Variants in USP32 observed in about 807,000 individuals in gnomAD.
USP32 encodes ubiquitin carboxyl-terminal hydrolase 32.
A neutral mutation model predicts 204.8 loss-of-function variants in USP32; 59 were observed. The ratio of observed to expected loss-of-function variants is 0.29; its 90% CI spans 0.23 to 0.36. The LOEUF (loss-of-function observed/expected upper bound fraction) is 0.36, where lower values mean the gene tolerates loss of function less well. Among genes scored for constraint, USP32 ranks in the 10% least tolerant of loss-of-function variants. USP32 has a pLI of 1.00. For missense variants in USP32, 1,160 were observed against 1,946.4 expected, an observed-to-expected ratio of 0.60 and a Z score of 7.60; for synonymous variants, 517 against 678.4, an observed-to-expected ratio of 0.76 and a Z score of 3.70.
At chr17:60,288,821 A>G (rs2087190536) in intron 4 of USP32, 139 bp from the exon 5 acceptor site, 1 of 680,726 alleles carries the variant, frequency 1.5e-6, no homozygotes, top group African/African-American at 1.8e-5. Context: ...ATAACACTGC[A>G]GGGTGTATAT....
At chr17:60,216,572 A>C (rs2085109086) in intron 16 of USP32, among the ~76,000 whole-genome samples, 1 of 152,268 alleles carries the variant, frequency 6.6e-6, no homozygotes. Flanking sequence ...ACTTCAGAAA[A>C]GGAATTCCCT....
intron 1 of USP32, among the ~76,000 whole-genome samples, chr17:60,410,898 G>A (rs976336224): frequency 3.3e-5 from 5 of 151,622 alleles, no homozygotes; most frequent in African/African-American, 1.2e-4. Flanking sequence ...AGCCAACATG[G>A]TGAAGCCCCG....
chr17:60,351,531 C>G (rs2088949623), intron 1 of USP32, among the ~76,000 whole-genome samples: 1 of 151,950 alleles, frequency 6.6e-6, no homozygotes, highest in Admixed American at 6.6e-5. Context: ...CGGGTTCAAG[C>G]AATTCTCCTG....
chr17:60,350,769 A>AT (rs1295560005), intron 1 of USP32, among the ~76,000 whole-genome samples: 10 of 152,208 alleles, frequency 6.6e-5, no homozygotes, highest in Non-Finnish European at 1.3e-4. Context: ...GGACAGAGGG[A>AT]TAAAAAACTA....
chr17:60,364,850 T>C (rs1381322286), intron 1 of USP32, among the ~76,000 whole-genome samples: 1 of 152,234 alleles, frequency 6.6e-6, no homozygotes, highest in East Asian at 1.9e-4. Flanking sequence ...AACCTAATCC[T>C]CTAATGAGAT....
intron 1 of USP32, 44 bp from the exon 2 acceptor site, chr17:60,345,652 AAG>A: frequency 6.2e-7 from 1 of 1,612,082 alleles, no homozygotes; most frequent in Non-Finnish European, 8.5e-7. Flanking sequence ...CAGGAGAGAA[AAG>A]AGGTGTCTCA....
chr17:60,235,368 C>T (rs774038631), intron 12 of USP32, among the ~76,000 whole-genome samples: 6 of 152,140 alleles, frequency 3.9e-5, no homozygotes, highest in Non-Finnish European at 8.8e-5. Context: ...ACACCAAAGT[C>T]CGTGTTTCCC....
At chr17:60,234,859 A>C (rs1378826751) in intron 12 of USP32, among the ~76,000 whole-genome samples, 1 of 152,080 alleles carries the variant, frequency 6.6e-6, no homozygotes, top group African/African-American at 2.4e-5. Context: ...TTACAGGCCC[A>C]GCCAGACTTC....
chr17:60,372,690 A>G (rs2089463690), intron 1 of USP32, among the ~76,000 whole-genome samples: 1 of 151,422 alleles, frequency 6.6e-6, no homozygotes, highest in South Asian at 2.1e-4. Flanking sequence ...TAAAAAAAAA[A>G]AAAGAAAAAT....
At chr17:60,290,774 C>T (rs917116929) in intron 4 of USP32, among the ~76,000 whole-genome samples, 12 of 151,516 alleles carry the variant, frequency 7.9e-5, no homozygotes, top group African/African-American at 2.9e-4. Context: ...AAAAAGAAAA[C>T]CACAATGATT....
At chr17:60,189,621 C>A (rs1236646766) in intron 29 of USP32, among the ~76,000 whole-genome samples, 7 of 152,142 alleles carry the variant, frequency 4.6e-5, no homozygotes, top group Admixed American at 2.6e-4. Flanking sequence ...ATTTCTGAAG[C>A]AACATTTTCA....
At chr17:60,369,758 TTTAAGAGACAGG>T (rs1360317727) in intron 1 of USP32, among the ~76,000 whole-genome samples, 5 of 152,184 alleles carry the variant, frequency 3.3e-5, no homozygotes, top group African/African-American at 1.2e-4. Context: ...ATGATTTTTT[TTTAAGAGACAGG>T]TTCTTGCTGT....
chr17:60,225,373 C>G (rs900153943), intron 13 of USP32, among the ~76,000 whole-genome samples: 1 of 152,054 alleles, frequency 6.6e-6, no homozygotes, highest in Non-Finnish European at 1.5e-5. Context: ...GGGAGAATTG[C>G]TTGGGGCCAG....
chr17:60,238,529 G>A (rs1032454458), intron 11 of USP32, among the ~76,000 whole-genome samples: 4 of 151,676 alleles, frequency 2.6e-5, no homozygotes, highest in Admixed American at 1.3e-4. Flanking sequence ...TTAGCTGGGC[G>A]CAGTGCCTCA....
chr17:60,187,715 G>A (rs1380297428), intron 29 of USP32, among the ~76,000 whole-genome samples: 1 of 152,168 alleles, frequency 6.6e-6, no homozygotes, highest in African/African-American at 2.4e-5. Flanking sequence ...ACATATTTGT[G>A]GACTGTACTG....
chr17:60,314,841 G>C (rs1021743291), intron 2 of USP32, among the ~76,000 whole-genome samples: 2 of 151,854 alleles, frequency 1.3e-5, no homozygotes, highest in African/African-American at 2.4e-5. Flanking sequence ...GAGGGAAAAA[G>C]GTATAAAGTG....
chr17:60,180,751 A>G, intron 32 of USP32, 114 bp from the exon 33 acceptor site: 1 of 1,103,750 alleles, frequency 9.1e-7, no homozygotes, highest in Non-Finnish European at 1.3e-6. Flanking sequence ...AGTAGGTGAA[A>G]AAATATTTTA....
At chr17:60,206,874 A>G in intron 25 of USP32, 147 bp downstream of exon 25, 5 of 1,346,240 alleles carry the variant, frequency 3.7e-6, no homozygotes, top group Non-Finnish European at 4.9e-6. Flanking sequence ...TCGTCGAAAA[A>G]ATATGGAATA....
At chr17:60,296,846 A>C (rs2087441838) in intron 3 of USP32, among the ~76,000 whole-genome samples, 1 of 152,134 alleles carries the variant, frequency 6.6e-6, no homozygotes, top group African/African-American at 2.4e-5. Context: ...TAAGCACCCC[A>C]ACCAACTGAA....
Sources: allele counts gnomAD v4.1 joint callset (sites outside exome capture counted in the v4.1 genomes callset), GRCh38; gene constraint gnomAD v4.1.1; transcripts MANE v1.5; gene names NCBI Gene and HGNC (gene_info 2026-07-23, HGNC 2026-07-21).